Variants in DCDC2 observed in about 807,000 individuals in gnomAD.
DCDC2 encodes the protein doublecortin domain-containing protein 2.
In DCDC2, 40 loss-of-function variants were observed where a neutral mutation model predicts 50.2. That is an observed-to-expected ratio of 0.80 (90% CI 0.62 to 1.04). The LOEUF (loss-of-function observed/expected upper bound fraction) is 1.04, where lower values mean the gene tolerates loss of function less well. Ranked by LOEUF, DCDC2 falls within the 50% of genes least tolerant of loss-of-function variation. The pLI is 0.00. For synonymous variants in DCDC2, 234 were observed against 210.6 expected (o/e 1.11, Z -0.96); for missense variants, 570 against 581.9 (o/e 0.98, Z 0.21).
At chr6:24,198,820 G>A (rs1010027688) in intron 8 of DCDC2, among the ~76,000 whole-genome samples, 1 of 152,148 alleles carries the variant, frequency 6.6e-6, no homozygotes, top group African/African-American at 2.4e-5. Context: ...AAGCTTGGTG[G>A]GGGGAGGGAT....
chr6:24,196,423 A>G (rs930929336), intron 8 of DCDC2, among the ~76,000 whole-genome samples: 1 of 152,140 alleles, frequency 6.6e-6, no homozygotes, highest in Non-Finnish European at 1.5e-5. Flanking sequence ...GATAAGACTT[A>G]TCCAGTTTCT....
At chr6:24,205,529 T>C (rs566361663) in intron 7 of DCDC2, among the ~76,000 whole-genome samples, 1 of 151,476 alleles carries the variant, frequency 6.6e-6, no homozygotes, top group African/African-American at 2.4e-5. Flanking sequence ...GCATTCAATA[T>C]AACGTATTGG....
the DCDC2 span, among the ~76,000 whole-genome samples, chr6:24,369,067 G>A: frequency 1.4e-5 from 2 of 147,644 alleles, no homozygotes; most frequent in African/African-American, 2.5e-5. Context: ...CCGGGAGGTG[G>A]AGGTTGCAGT....
upstream of DCDC2, among the ~76,000 whole-genome samples, chr6:24,360,096 T>C (rs1233237203): frequency 6.6e-6 from 1 of 152,210 alleles, no homozygotes; most frequent in Admixed American, 6.5e-5. Flanking sequence ...CCAGCTGCTG[T>C]TACCTCTGCG....
intron 6 of DCDC2, among the ~76,000 whole-genome samples, chr6:24,286,261 G>C (rs181311698): frequency 3.9e-5 from 6 of 152,170 alleles, no homozygotes; most frequent in East Asian, 1.9e-4. Context: ...GTGATGCTAC[G>C]TCTGCTGTTC....
At chr6:24,286,397 A>G (rs1008052546) in intron 6 of DCDC2, among the ~76,000 whole-genome samples, 12 of 152,162 alleles carry the variant, frequency 7.9e-5, no homozygotes, top group Non-Finnish European at 1.8e-4. Flanking sequence ...CTTTGAGAAC[A>G]GCCTGGGCAA....
intron 7 of DCDC2, among the ~76,000 whole-genome samples, chr6:24,259,340 C>T (rs77570595): frequency 0.025 from 3,840 of 152,022 alleles, 87 homozygotes; most frequent in African/African-American, 0.054. Flanking sequence ...TACATAATTA[C>T]GAAAAATGAA....
chr6:24,298,018 T>C (rs1014592963), intron 4 of DCDC2, among the ~76,000 whole-genome samples: 1 of 152,226 alleles, frequency 6.6e-6, no homozygotes, highest in Non-Finnish European at 1.5e-5. Flanking sequence ...GGTCCCCAAC[T>C]TTTTTAGCAC....
chr6:24,371,464 C>T, the DCDC2 span, among the ~76,000 whole-genome samples: 1 of 151,774 alleles, frequency 6.6e-6, no homozygotes, highest in Non-Finnish European at 1.5e-5. Flanking sequence ...AAAAATTAGC[C>T]GGGTGTGGTG....
At chr6:24,381,083 AG>A in the DCDC2 span, among the ~76,000 whole-genome samples, 1 of 149,060 alleles carries the variant, frequency 6.7e-6, no homozygotes. Flanking sequence ...TCTTGTCTCA[AG>A]AAAAAAAAAA....
At chr6:24,200,360 T>G (rs1761557686) in intron 8 of DCDC2, among the ~76,000 whole-genome samples, 1 of 152,194 alleles carries the variant, frequency 6.6e-6, no homozygotes, top group African/African-American at 2.4e-5. Flanking sequence ...TATTCAACAT[T>G]CTTAAAGAAA....
At chr6:24,332,236 C>T (rs1218771256) in intron 2 of DCDC2, among the ~76,000 whole-genome samples, 1 of 150,178 alleles carries the variant, frequency 6.7e-6, no homozygotes, top group African/African-American at 2.5e-5. Flanking sequence ...TCCCCGAAAA[C>T]CGGGATATGA....
chr6:24,301,015 ATAGTT>A (rs2113837327), intron 4 of DCDC2, among the ~76,000 whole-genome samples: 1 of 151,528 alleles, frequency 6.6e-6, no homozygotes, highest in African/African-American at 2.4e-5. Flanking sequence ...CCCTAGGCAA[ATAGTT>A]TAAACTATCA....
intron 7 of DCDC2, among the ~76,000 whole-genome samples, chr6:24,209,590 T>C (rs555274246): frequency 1.3e-5 from 2 of 152,306 alleles, no homozygotes; most frequent in South Asian, 2.1e-4. Context: ...GTGCCAATAA[T>C]AGTTCTGCAC....
At chr6:24,275,472 T>C (rs959882275) in intron 7 of DCDC2, among the ~76,000 whole-genome samples, 13 of 152,224 alleles carry the variant, frequency 8.5e-5, no homozygotes, top group African/African-American at 3.1e-4. Context: ...TTCCAGGTTA[T>C]ATGTTCTTTC....
chr6:24,348,800 C>G (rs896543572), intron 2 of DCDC2, among the ~76,000 whole-genome samples: 3 of 152,142 alleles, frequency 2.0e-5, no homozygotes, highest in African/African-American at 7.2e-5. Flanking sequence ...AGCCACCTGC[C>G]ACTAGATAAT....
At chr6:24,235,826 G>A (rs1762431046) in intron 7 of DCDC2, among the ~76,000 whole-genome samples, 1 of 152,116 alleles carries the variant, frequency 6.6e-6, no homozygotes, top group African/African-American at 2.4e-5. Flanking sequence ...TACAAGCTGA[G>A]AGCCAAATCA....
At chr6:24,257,844 G>A (rs751235671) in intron 7 of DCDC2, among the ~76,000 whole-genome samples, 12 of 152,248 alleles carry the variant, frequency 7.9e-5, no homozygotes, top group Non-Finnish European at 1.3e-4. Flanking sequence ...GCAGTAGTCT[G>A]CATTAAAAAT....
At chr6:24,255,186 C>T (rs72830846) in intron 7 of DCDC2, among the ~76,000 whole-genome samples, 5,786 of 151,842 alleles carry the variant, frequency 0.038, 157 homozygotes, top group Non-Finnish European at 0.06. Flanking sequence ...TAAGTTAAGA[C>T]GAAGGTGACA....
Sources: gnomAD v4.1 joint callset for allele counts (sites outside exome capture counted in the v4.1 genomes callset) on GRCh38, gnomAD v4.1.1 for gene constraint, MANE v1.5 for transcripts, NCBI Gene and HGNC (gene_info 2026-07-23, HGNC 2026-07-21) for gene names.